The following C1QTNF3 variants were observed in gnomAD, a reference collection of about 807,000 sequenced individuals.
The protein encoded by C1QTNF3 is complement C1q tumor necrosis factor-related protein 3.
A neutral mutation model predicts 32.6 loss-of-function variants in C1QTNF3; 26 were observed. The observed-to-expected ratio is 0.80, with a 90% confidence interval of 0.58 to 1.11. The LOEUF is 1.11. C1QTNF3 is among the 50% of genes least tolerant of loss of function. The pLI is 0.00. For synonymous variants in C1QTNF3, 155 were observed against 146.0 expected, an observed-to-expected ratio of 1.06 and a Z score of -0.44; for missense variants, 362 against 398.2, an observed-to-expected ratio of 0.91 and a Z score of 0.77.
chr5:34,041,797 C>G (rs1483028915), intron 1 of C1QTNF3, among the ~76,000 whole-genome samples: 1 of 151,948 alleles, frequency 6.6e-6, no homozygotes, highest in Non-Finnish European at 1.5e-5. Context: ...GCAATTGATT[C>G]TGTGTGTGAT....
At chr5:34,211,266 T>G in the C1QTNF3 span, among the ~76,000 whole-genome samples, 17 of 151,998 alleles carry the variant, frequency 1.1e-4, no homozygotes, top group African/African-American at 3.4e-4. Context: ...TTCATTAATT[T>G]TTACACTCAC....
chr5:34,119,449 A>T, the C1QTNF3 span, among the ~76,000 whole-genome samples: 2 of 152,186 alleles, frequency 1.3e-5, no homozygotes, highest in Non-Finnish European at 2.9e-5. Context: ...CCGTCTCTCT[A>T]TTATACTCTG....
chr5:34,213,810 T>TATATATATATATATA, the C1QTNF3 span, among the ~76,000 whole-genome samples: 666 of 13,414 alleles, frequency 0.05, 30 homozygotes, highest in Middle Eastern at 0.25. Context: ...TATATATATA[T>TATATATATATATATA]TTTTTTTTTT....
chr5:34,093,864 C>CT, the C1QTNF3 span, among the ~76,000 whole-genome samples: 1 of 152,196 alleles, frequency 6.6e-6, no homozygotes. Flanking sequence ...ACTCTCCGAC[C>CT]TTCGGGTAGG....
chr5:34,225,527 C>G, the C1QTNF3 span, among the ~76,000 whole-genome samples: 1 of 151,976 alleles, frequency 6.6e-6, no homozygotes, highest in African/African-American at 2.4e-5. Context: ...TCTAGGACAT[C>G]TGTTCTATCT....
chr5:34,184,210 T>C, the C1QTNF3 span, among the ~76,000 whole-genome samples: 2 of 152,308 alleles, frequency 1.3e-5, no homozygotes, highest in African/African-American at 4.8e-5. Context: ...AAAGATCTAA[T>C]GTCCAACACT....
At chr5:34,124,439 G>A in the C1QTNF3 span, 1 of 716,648 alleles carries the variant, frequency 1.4e-6, no homozygotes, top group Non-Finnish European at 2.6e-6. Flanking sequence ...GAGGCCTCAG[G>A]GAGCTCTTAG....
chr5:34,195,402 T>C, the C1QTNF3 span, among the ~76,000 whole-genome samples: 1 of 133,342 alleles, frequency 7.5e-6, no homozygotes, highest in Non-Finnish European at 1.6e-5. Flanking sequence ...TATAAAATTC[T>C]CACAGAAACT....
chr5:34,145,749 T>C, the C1QTNF3 span, among the ~76,000 whole-genome samples: 3 of 137,318 alleles, frequency 2.2e-5, no homozygotes, highest in African/African-American at 8.3e-5. Context: ...GCCATAAAAA[T>C]ACTCAACAAA....
the C1QTNF3 span, among the ~76,000 whole-genome samples, chr5:34,131,341 AATT>A: frequency 6.6e-6 from 1 of 151,514 alleles, no homozygotes; most frequent in African/African-American, 2.4e-5. Flanking sequence ...TAATAAGACA[AATT>A]ATTAGTCACA....
the C1QTNF3 span, among the ~76,000 whole-genome samples, chr5:34,176,885 A>G: frequency 1.3e-5 from 2 of 151,928 alleles, no homozygotes; most frequent in African/African-American, 4.8e-5. Context: ...GAATGAATGA[A>G]TGAAAAATGA....
chr5:34,231,825 T>A, the C1QTNF3 span, among the ~76,000 whole-genome samples: 260 of 146,826 alleles, frequency 1.8e-3, no homozygotes, highest in African/African-American at 6.2e-3. Context: ...AAATGTGGGG[T>A]TGGAGCCCCC....
the C1QTNF3 span, among the ~76,000 whole-genome samples, chr5:34,154,380 T>C: frequency 6.6e-6 from 1 of 152,186 alleles, no homozygotes; most frequent in Non-Finnish European, 1.5e-5. Flanking sequence ...AGGATCACAA[T>C]CTAGTGGGTA....
the C1QTNF3 span, among the ~76,000 whole-genome samples, chr5:34,214,466 A>T: frequency 6.4e-3 from 962 of 151,346 alleles, 16 homozygotes; most frequent in African/African-American, 0.023. Flanking sequence ...TTAGAAATAC[A>T]TAATTATTTT....
chr5:34,072,790 A>G, the C1QTNF3 span, among the ~76,000 whole-genome samples: 1 of 152,182 alleles, frequency 6.6e-6, no homozygotes, highest in Non-Finnish European at 1.5e-5. Flanking sequence ...TTACACTAAC[A>G]TCTTTATTAC....
the C1QTNF3 span, among the ~76,000 whole-genome samples, chr5:34,128,212 G>C: frequency 3.9e-4 from 59 of 152,202 alleles, no homozygotes; most frequent in African/African-American, 1.4e-3. Flanking sequence ...TGGGCCTGCA[G>C]GTGTGCAGAA....
At chr5:34,060,607 T>A in the C1QTNF3 span, among the ~76,000 whole-genome samples, 101 of 152,264 alleles carry the variant, frequency 6.6e-4, no homozygotes, top group African/African-American at 2.3e-3. Context: ...GGAGGCCTCA[T>A]AATCATGGTG....
chr5:34,123,779 A>G, the C1QTNF3 span, among the ~76,000 whole-genome samples: 2 of 152,174 alleles, frequency 1.3e-5, 1 homozygote, highest in African/African-American at 4.8e-5. Context: ...GTCTCCTTCT[A>G]TCCACGATTT....
At chr5:34,200,910 A>G in the C1QTNF3 span, 1 of 151,922 alleles carries the variant, frequency 6.6e-6, no homozygotes, top group Non-Finnish European at 1.5e-5. Flanking sequence ...GATGACTTAT[A>G]AACACTTCAT....
Sources: gnomAD v4.1 joint callset for allele counts (sites outside exome capture counted in the v4.1 genomes callset) on GRCh38, gnomAD v4.1.1 for gene constraint, MANE v1.5 for transcripts, NCBI Gene and HGNC (gene_info 2026-07-23, HGNC 2026-07-21) for gene names.